PIEZO2: variants seen among roughly 807,000 people sequenced by gnomAD.
PIEZO2 encodes the protein piezo-type mechanosensitive ion channel component 2.
PIEZO2 carries 172 observed loss-of-function variants against 337.3 expected under a neutral mutation model. The observed-to-expected ratio is 0.51, with a 90% CI of 0.45 to 0.58. The LOEUF (loss-of-function observed/expected upper bound fraction) is 0.58. PIEZO2 is among the 20% of genes least tolerant of loss of function. The pLI, the probability that PIEZO2 is intolerant of heterozygous loss-of-function variation, is 0.00. For missense variants in PIEZO2, 3,028 were observed against 3,391.3 expected, an observed-to-expected ratio of 0.89 and a Z score of 2.66; for synonymous variants, 1,251 against 1,228.5, an observed-to-expected ratio of 1.02 and a Z score of -0.38.
In PIEZO2 at chr18:10,881,198, G is replaced by T. The variant is rs375370413; in HGVS notation, c.330-9783C>A. 2.6e-5 allele frequency among the ~76,000 whole-genome samples: 4 copies of T among 152,044 alleles called. No individual in the cohort carries two copies. In the East Asian group the frequency reaches 7.7e-4, roughly 29 times the overall value. On this transcript the variant is annotated intron_variant, in intron 4 of 55. Transcript: ENST00000674853. The stretch of plus-strand genomic sequence containing the variant: ...ATCTAATTACCTTAAGGTATGAATT[G>T]TTGCTGGATTTTCAGGAGATATATA...
chr18:10,867,499 GA>G (rs2042036135), intron 5 of PIEZO2, among the ~76,000 whole-genome samples: 1 of 152,156 alleles, frequency 6.6e-6, no homozygotes, highest in African/African-American at 2.4e-5. Flanking sequence ...AGCAGATGGG[GA>G]TGACTTATAA....
rs1301315499 is a variant in PIEZO2, at chr18:10,762,943, G to T, written c.3102C>A (p.Asn1034Lys). 1.3e-6 allele frequency: 2 copies of T among 1,537,272 alleles called. No homozygotes were observed. Among genetic ancestry groups the T allele is most frequent in the Admixed American group, 3.9e-5 (2 of 51,008 alleles). Reference protein sequence around the residue: ...LYQLQTIKPENFSVNCSLPNE... With the variant: ...LYQLQTIKPEKFSVNCSLPNE... ...TCACCAAGGAACAGTTAACAGAGAAGTTCTCAGGCTTAATGGTTTGGAGCT... is the reference window on the plus strand; with the variant it reads ...TCACCAAGGAACAGTTAACAGAGAATTTCTCAGGCTTAATGGTTTGGAGCT... The change falls in exon 22 of 56, where the codon AAC (asparagine) becomes AAA (lysine). Residue 1034 changes from asparagine (N) to lysine (K), a missense_variant. Coordinates refer to ENST00000674853, the MANE Select transcript of PIEZO2 (RefSeq NM_001378183.1).
At position 10,680,214 on chromosome 18, in the gene PIEZO2, G is replaced by GA. The variant is rs1451012640; in HGVS notation, c.7936dup (p.Ser2646PhefsTer20). On this transcript the variant is annotated frameshift_variant, in exon 52 of 56. Transcript: ENST00000674853. LOFTEE classifies it high-confidence loss of function. ...CAGTAACTACCTCTGAATACTCCAT[G>GA]AAAAAACAACAGAGAAGCTACTATT... 2 of 1,612,924 alleles carry GA rather than the reference G, an allele frequency of 1.2e-6. No homozygotes were observed. The highest frequency in any genetic ancestry group is 1.7e-6 in the Non-Finnish European group (2 of 1,179,354).
At chr18:11,087,821 C>T (rs549464118) in intron 1 of PIEZO2, among the ~76,000 whole-genome samples, 1 of 152,370 alleles carries the variant, frequency 6.6e-6, no homozygotes, top group Non-Finnish European at 1.5e-5. Flanking sequence ...TGGGCTTGTG[C>T]ACTGCACAGG....
chr18:10,911,787 A>AACG (rs2030505276), intron 3 of PIEZO2, among the ~76,000 whole-genome samples: 1 of 150,846 alleles, frequency 6.6e-6, no homozygotes, highest in Non-Finnish European at 1.5e-5. Context: ...CAACAACAAC[A>AACG]ACAACAAAAT....
At chr18:11,147,158 G>C (rs1011541968) in intron 1 of PIEZO2, among the ~76,000 whole-genome samples, 3 of 152,108 alleles carry the variant, frequency 2.0e-5, no homozygotes, top group African/African-American at 7.2e-5. Context: ...GGGGAGAGAG[G>C]TGCATATCCG....
intron 1 of PIEZO2, among the ~76,000 whole-genome samples, chr18:11,124,527 T>C (rs2040127013): frequency 6.6e-6 from 1 of 152,188 alleles, no homozygotes; most frequent in Non-Finnish European, 1.5e-5. Flanking sequence ...GTCAGCACCT[T>C]AAACCTTTGC....
intron 3 of PIEZO2, among the ~76,000 whole-genome samples, chr18:10,955,270 G>C (rs556275159): frequency 6.6e-6 from 1 of 152,352 alleles, no homozygotes; most frequent in African/African-American, 2.4e-5. Context: ...ACTTTAGGAA[G>C]AGCAATCGAG....
rs928541385 is a variant in PIEZO2, at chr18:11,131,335, C to T, written c.64+17190G>A. On this transcript the variant is annotated intron_variant, in intron 1 of 55. Coordinates refer to ENST00000674853, the MANE Select transcript of PIEZO2 (RefSeq NM_001378183.1). The surrounding 1 kb of genome is among the most constrained non-coding windows in gnomAD (Gnocchi z 5.3). The stretch of plus-strand genomic sequence containing the variant: ...AAGTAAGTTACATGAGGAAGTGGCT[C>T]GAATGCCTATCATCTCCACCCCTGC... Among the ~76,000 whole-genome samples the T allele has an allele frequency of 2.0e-5, 3 of 152,170 alleles. No individual in the cohort carries two copies. The highest frequency in any genetic ancestry group is 7.2e-5 in the African/African-American group (3 of 41,428).
At chr18:10,688,567 C>A (rs2034657030) in intron 49 of PIEZO2, among the ~76,000 whole-genome samples, 1 of 152,134 alleles carries the variant, frequency 6.6e-6, no homozygotes, top group South Asian at 2.1e-4. Flanking sequence ...GTTAGAAATT[C>A]TTCATATTCC....
Position 10,766,319 on chromosome 18 carries a change from A to T in PIEZO2, c.2947-3221T>A, listed in dbSNP as rs2038354744. Among the ~76,000 whole-genome samples, 1 of 151,608 alleles carries T rather than the reference A, an allele frequency of 6.6e-6. No homozygotes were observed. The highest frequency in any genetic ancestry group is 2.1e-4 in the South Asian group (1 of 4,808). On this transcript the variant is annotated intron_variant, in intron 21 of 55. Coordinates refer to ENST00000674853, the MANE Select transcript of PIEZO2 (RefSeq NM_001378183.1). This position sits in a 1 kb window ranked among gnomAD's most constrained non-coding sequence, Gnocchi z 6.1. ...CAGAAAGGAGGGGAAGGGGAAGGAGAAGTAGGAGGAGAAGGAGGAGGAGGA... is the reference window on the plus strand; with the variant it reads ...CAGAAAGGAGGGGAAGGGGAAGGAGTAGTAGGAGGAGAAGGAGGAGGAGGA...
At chr18:10,703,162 T>G (rs951584127) in intron 42 of PIEZO2, among the ~76,000 whole-genome samples, 1 of 152,252 alleles carries the variant, frequency 6.6e-6, no homozygotes, top group South Asian at 2.1e-4. Context: ...AGGTGAAATC[T>G]ATACAAGAAG....
At chr18:10,680,409 A>T (rs1334184799) in intron 51 of PIEZO2, 38 bp from the exon 52 acceptor site, 2 of 1,565,656 alleles carry the variant, frequency 1.3e-6, no homozygotes, top group African/African-American at 2.7e-5. Flanking sequence ...AATAGATTAT[A>T]TGCATCATGC....
At chr18:10,691,158 G>A (rs888586977) in intron 48 of PIEZO2, 67 bp downstream of exon 48, 4 of 1,521,536 alleles carry the variant, frequency 2.6e-6, no homozygotes, top group Non-Finnish European at 3.6e-6. Context: ...TCCCAGTTGG[G>A]AATCAAAATG....
At chr18:10,689,468 T>C (rs910195336) in intron 49 of PIEZO2, among the ~76,000 whole-genome samples, 187 bp downstream of exon 49, 2 of 146,952 alleles carry the variant, frequency 1.4e-5, no homozygotes, top group African/African-American at 5.0e-5. Flanking sequence ...CTGGATGCTA[T>C]TGACGACTAT....
Position 10,781,590 on chromosome 18 carries a change from T to C in PIEZO2, c.2493-1224A>G, listed in dbSNP as rs1400250211. Among the ~76,000 whole-genome samples the C allele has an allele frequency of 6.6e-6, 1 of 152,168 alleles. No homozygotes were observed. Among genetic ancestry groups the C allele is most frequent in the Non-Finnish European group, 1.5e-5 (1 of 68,034 alleles). ...TTCTTATAATATGAAATTCTATCAA[T>C]ATATAGGTGAAATAATATTCCTGAG... On this transcript the variant is annotated intron_variant, in intron 17 of 55. Transcript: ENST00000674853. The surrounding 1 kb of genome is among the most constrained non-coding windows in gnomAD (Gnocchi z 4.1).
intron 2 of PIEZO2, among the ~76,000 whole-genome samples, chr18:11,039,037 T>C (rs2037021716): frequency 6.6e-6 from 1 of 152,200 alleles, no homozygotes; most frequent in Non-Finnish European, 1.5e-5. Flanking sequence ...AAAATTAGTC[T>C]TAACAACCAA....
intron 3 of PIEZO2, among the ~76,000 whole-genome samples, chr18:10,970,618 T>C (rs1318431825): frequency 2.0e-5 from 3 of 151,952 alleles, no homozygotes; most frequent in Non-Finnish European, 4.4e-5. Context: ...TGGAAGATGT[T>C]ATCTACTGAT....
In PIEZO2 at chr18:11,099,441, C is replaced by G. The variant is rs1180325870; in HGVS notation, c.65-33219G>C. The stretch of plus-strand genomic sequence containing the variant: ...TTTTTCAACAGGCAAGATGTGGGTT[C>G]TTCTTAACATTTCAATTTATATCTT... On this transcript the variant is annotated intron_variant, in intron 1 of 55. Coordinates refer to ENST00000674853, the MANE Select transcript of PIEZO2 (RefSeq NM_001378183.1). This position sits in a 1 kb window ranked among gnomAD's most constrained non-coding sequence, Gnocchi z 5.4. Among the ~76,000 whole-genome samples the G allele has an allele frequency of 1.3e-5, 2 of 152,060 alleles. No homozygotes were observed. Among genetic ancestry groups the G allele is most frequent in the East Asian group, 1.9e-4 (1 of 5,190 alleles).
Sources: gnomAD v4.1 joint callset for allele counts (sites outside exome capture counted in the v4.1 genomes callset) on GRCh38, gnomAD v4.1.1 for gene constraint, Gnocchi (gnomAD v3.1) non-coding constraint, MANE v1.5 for transcripts, NCBI Gene and HGNC (gene_info 2026-07-23, HGNC 2026-07-21) for gene names.